The following CHID1 variants were observed in gnomAD, a reference collection of about 807,000 sequenced individuals.
CHID1 encodes chitinase domain containing 1, also known as chitinase domain-containing protein 1.
Under a neutral mutation model 55.4 loss-of-function variants are expected in CHID1, and 44 were observed. The ratio of observed to expected loss-of-function variants is 0.79; its 90% CI spans 0.62 to 1.02. The LOEUF (loss-of-function observed/expected upper bound fraction) is 1.02. Ranked by LOEUF, CHID1 falls within the 50% of genes least tolerant of loss-of-function variation. CHID1 has a pLI of 0.00. For missense variants in CHID1, 491 were observed against 515.3 expected, an observed-to-expected ratio of 0.95 and a Z score of 0.46; for synonymous variants, 216 against 212.9, an observed-to-expected ratio of 1.01 and a Z score of -0.13.
intron 9 of CHID1, 23 bp from the exon 10 acceptor site, chr11:883,326 G>A: frequency 6.3e-7 from 1 of 1,596,468 alleles, no homozygotes; most frequent in Non-Finnish European, 8.6e-7. Context: ...GGGTGAGCGA[G>A]TTTCAGCAAC....
chr11:910,670 C>T, intron 1 of CHID1, 105 bp downstream of exon 1: 1 of 1,269,010 alleles, frequency 7.9e-7, no homozygotes, highest in Non-Finnish European at 1.0e-6. Context: ...ACCCCACGCC[C>T]GTCCTCCCGG....
intron 7 of CHID1, among the ~76,000 whole-genome samples, chr11:893,869 C>G (rs913609534): frequency 4.7e-4 from 71 of 151,858 alleles, no homozygotes; most frequent in Middle Eastern, 3.4e-3. Context: ...CGGTGGCTCA[C>G]GCCGGTAATC....
chr11:880,281 C>G (rs1589832276), intron 10 of CHID1, among the ~76,000 whole-genome samples: 1 of 152,214 alleles, frequency 6.6e-6, no homozygotes, highest in African/African-American at 2.4e-5. Context: ...CCGCCTGATG[C>G]CCAGGCTGAC....
chr11:879,665 A>G (rs1396845995), intron 10 of CHID1, among the ~76,000 whole-genome samples: 1 of 152,200 alleles, frequency 6.6e-6, no homozygotes, highest in East Asian at 1.9e-4. Context: ...CATCTATGGT[A>G]CTTTGTTACC....
chr11:879,010 C>G (rs1469501976), intron 10 of CHID1, among the ~76,000 whole-genome samples: 1 of 152,118 alleles, frequency 6.6e-6, no homozygotes, highest in Non-Finnish European at 1.5e-5. Flanking sequence ...CCACGCCCGG[C>G]TAATTTTTTG....
chr11:902,062 A>T, intron 4 of CHID1, 136 bp downstream of exon 4: 1 of 918,436 alleles, frequency 1.1e-6, no homozygotes, highest in East Asian at 2.6e-5. Flanking sequence ...CACTTAAATC[A>T]CGCAGAGACA....
intron 8 of CHID1, among the ~76,000 whole-genome samples, chr11:889,557 C>T (rs1850650973): frequency 6.6e-6 from 1 of 152,164 alleles, no homozygotes; most frequent in Admixed American, 6.5e-5. Context: ...AGGGGAGAGC[C>T]ATAGTCTCTG....
rs1219113032 is a variant in CHID1 at position 868,835 on chromosome 11, C to T, written c.*1023G>A. 2.0e-5 allele frequency: 3 copies of T among 152,426 alleles called. No homozygotes were observed. The highest frequency in any genetic ancestry group is 2.9e-5 in the Non-Finnish European group (2 of 68,264). 9.4% of individuals were successfully genotyped at this position (152,426 alleles called of 1,614,324 possible). On this transcript the variant is annotated 3_prime_UTR_variant, in exon 13 of 13. Coordinates refer to ENST00000323578, the MANE Select transcript of CHID1 (RefSeq NM_023947.4). ...TCTGAGTGAGGGACGCCCAGGCCCA[C>T]CCACTCCCTGGACTCACTTCTGTCC...
At chr11:890,542 G>A (rs1850728833) in intron 8 of CHID1, among the ~76,000 whole-genome samples, 2 of 152,214 alleles carry the variant, frequency 1.3e-5, no homozygotes, top group Non-Finnish European at 2.9e-5. Flanking sequence ...GCCCTTCCTG[G>A]GTTCCTGAGG....
intron 10 of CHID1, among the ~76,000 whole-genome samples, chr11:877,240 G>T (rs1447107613): frequency 6.6e-6 from 1 of 152,102 alleles, no homozygotes; most frequent in Non-Finnish European, 1.5e-5. Context: ...ACAATCATGG[G>T]TGGGTGCAAC....
At chr11:905,842 C>G (rs1039041267) in intron 1 of CHID1, among the ~76,000 whole-genome samples, 3 of 152,002 alleles carry the variant, frequency 2.0e-5, no homozygotes, top group Non-Finnish European at 4.4e-5. Context: ...AAAGAAAATA[C>G]CACTGGAGTA....
upstream of CHID1, among the ~76,000 whole-genome samples, chr11:912,658 C>G (rs534392490): frequency 1.2e-4 from 18 of 152,136 alleles, no homozygotes; most frequent in African/African-American, 4.1e-4. Context: ...TCCTGATTAA[C>G]ACGGTGAAAC....
At chr11:902,668 AGGGTT>A (rs143014574) in intron 3 of CHID1, among the ~76,000 whole-genome samples, 63,157 of 151,642 alleles carry the variant, frequency 0.42, 14,443 homozygotes, top group Admixed American at 0.51. Context: ...TCCCTGGCCC[AGGGTT>A]GGCTCTGCAC....
chr11:908,459 C>A, intron 1 of CHID1: 1 of 441,610 alleles, frequency 2.3e-6, no homozygotes, highest in South Asian at 9.6e-5. Flanking sequence ...GCAGCTGAGG[C>A]TTGGTCTGAG....
upstream of CHID1, chr11:910,914 G>C (rs559254994): frequency 1.1e-6 from 1 of 891,164 alleles, no homozygotes; most frequent in Admixed American, 6.2e-5. Context: ...CAGGACAGGG[G>C]ACTGGGCAGG....
upstream of CHID1, among the ~76,000 whole-genome samples, chr11:912,545 A>C (rs1206968833): frequency 6.6e-6 from 1 of 152,022 alleles, no homozygotes; most frequent in Non-Finnish European, 1.5e-5. Flanking sequence ...GTGTACCTGC[A>C]TTGAAAACTG....
chr11:890,074 C>A (rs191869491), intron 8 of CHID1, among the ~76,000 whole-genome samples: 3 of 152,330 alleles, frequency 2.0e-5, no homozygotes, highest in Non-Finnish European at 2.9e-5. Flanking sequence ...CTGCTGCTGG[C>A]GTCCTCGCCC....
At chr11:872,896 C>T (rs1380311931) in intron 10 of CHID1, among the ~76,000 whole-genome samples, 1 of 152,156 alleles carries the variant, frequency 6.6e-6, no homozygotes, top group East Asian at 1.9e-4. Flanking sequence ...CTGCTGCCTC[C>T]AGGAGGAGGT....
At chr11:870,666 G>C (rs1164392372) in intron 10 of CHID1, 167 bp from the exon 11 acceptor site, 2 of 601,908 alleles carry the variant, frequency 3.3e-6, no homozygotes, top group African/African-American at 3.7e-5. Context: ...GCCCCAGGCC[G>C]TGTGAACCCT....
Sources: allele counts gnomAD v4.1 joint callset (sites outside exome capture counted in the v4.1 genomes callset), GRCh38; gene constraint gnomAD v4.1.1; transcripts MANE v1.5; gene names NCBI Gene and HGNC (gene_info 2026-07-23, HGNC 2026-07-21).